ATP8A2: variants seen among roughly 807,000 people sequenced by gnomAD.
ATP8A2 encodes the protein ATPase phospholipid transporting 8A2.
In ATP8A2, 100 loss-of-function variants were observed where a neutral mutation model predicts 165.6. The observed-to-expected ratio is 0.60, with a 90% CI of 0.51 to 0.71. ATP8A2 has a LOEUF of 0.71. ATP8A2 is among the 30% of genes least tolerant of loss of function. The pLI is 0.00. For synonymous variants in ATP8A2, 543 were observed against 548.8 expected, an observed-to-expected ratio of 0.99 and a Z score of 0.15; for missense variants, 1,227 against 1,479.5, an observed-to-expected ratio of 0.83 and a Z score of 2.80.
chr13:25,930,009 C>T (rs978866540), intron 33 of ATP8A2, among the ~76,000 whole-genome samples: 1 of 152,152 alleles, frequency 6.6e-6, no homozygotes. Context: ...GGCAGCCCCA[C>T]GTGCTCCTGT....
At chr13:25,725,654 G>C (rs1463219338) in intron 25 of ATP8A2, among the ~76,000 whole-genome samples, 1 of 152,226 alleles carries the variant, frequency 6.6e-6, no homozygotes, top group Non-Finnish European at 1.5e-5. Flanking sequence ...TGATTCTTCT[G>C]TGCCTTCAAC....
At chr13:25,583,258 G>A (rs972026923) in intron 23 of ATP8A2, among the ~76,000 whole-genome samples, 2 of 151,942 alleles carry the variant, frequency 1.3e-5, no homozygotes, top group Admixed American at 6.6e-5. Flanking sequence ...ATATAAGTTT[G>A]GCCTAAAACA....
At chr13:25,529,817 T>C (rs1257193006) in intron 2 of ATP8A2, among the ~76,000 whole-genome samples, 182 bp from the exon 3 acceptor site, 1 of 152,204 alleles carries the variant, frequency 6.6e-6, no homozygotes, top group African/African-American at 2.4e-5. Context: ...GATTTTCTCA[T>C]CAGGGGCGCC....
chr13:25,597,484 A>G (rs763667399), intron 24 of ATP8A2, among the ~76,000 whole-genome samples: 7 of 152,236 alleles, frequency 4.6e-5, no homozygotes, highest in South Asian at 2.1e-4. Flanking sequence ...GAGAAGGCCT[A>G]TGGAGAGGGC....
At chr13:25,578,743 AG>A in intron 20 of ATP8A2, 71 bp from the exon 21 acceptor site, 1 of 884,594 alleles carries the variant, frequency 1.1e-6, no homozygotes, top group Admixed American at 1.8e-5. Flanking sequence ...ACAGAAACAA[AG>A]CCATGCTTAG....
intron 1 of ATP8A2, among the ~76,000 whole-genome samples, chr13:25,412,949 C>T (rs974321700): frequency 6.6e-6 from 1 of 152,092 alleles, no homozygotes; most frequent in Non-Finnish European, 1.5e-5. Context: ...TCCTGAGTAG[C>T]TGGGAATACA....
At chr13:26,012,252 GCCCACGGT>G (rs1180061672) in intron 35 of ATP8A2, among the ~76,000 whole-genome samples, 1 of 152,150 alleles carries the variant, frequency 6.6e-6, no homozygotes, top group Non-Finnish European at 1.5e-5. Context: ...GTCCTGAAAA[GCCCACGGT>G]CCCGCGGGTA....
chr13:25,797,048 A>G (rs938382666), intron 27 of ATP8A2, among the ~76,000 whole-genome samples: 10 of 152,072 alleles, frequency 6.6e-5, no homozygotes, highest in Non-Finnish European at 1.5e-4. Flanking sequence ...CGGGCAGATC[A>G]CCTGAGGTCA....
intron 36 of ATP8A2, among the ~76,000 whole-genome samples, chr13:26,015,640 G>A (rs775454801): frequency 1.3e-4 from 19 of 151,936 alleles, no homozygotes; most frequent in Non-Finnish European, 1.6e-4. Flanking sequence ...TGTTCTACCC[G>A]GAGAAGACAA....
intron 25 of ATP8A2, among the ~76,000 whole-genome samples, chr13:25,731,674 A>C (rs557781737): frequency 6.6e-6 from 1 of 152,222 alleles, no homozygotes; most frequent in Non-Finnish European, 1.5e-5. Context: ...AAATTCACAG[A>C]ATGTGGAATA....
intron 1 of ATP8A2, 65 bp from the exon 2 acceptor site, chr13:25,468,912 G>C: frequency 6.3e-7 from 1 of 1,575,182 alleles, no homozygotes; most frequent in South Asian, 1.1e-5. Context: ...GCCCGCGCTC[G>C]CAGCCTCCCG....
In ATP8A2 at chr13:25,985,965, A is replaced by C. The variant is rs542307121; in HGVS notation, c.3377+17286A>C. Among the ~76,000 whole-genome samples, 21 of 152,352 alleles carry C rather than the reference A, an allele frequency of 1.4e-4. No individual in the cohort carries two copies. In the East Asian group the frequency reaches 3.9e-3, roughly 28 times the overall value. On this transcript the variant is annotated intron_variant, in intron 35 of 36. Coordinates refer to ENST00000381655, the MANE Select transcript of ATP8A2 (RefSeq NM_016529.6). ...TTCACATGTCTCCTTCAGGCCTCTG[A>C]GAATTTCATGAAAGCCACGTGCTAT...
intron 18 of ATP8A2, among the ~76,000 whole-genome samples, chr13:25,573,952 A>G (rs1369032357): frequency 6.6e-6 from 1 of 152,176 alleles, no homozygotes; most frequent in Non-Finnish European, 1.5e-5. Context: ...TACTTCATTG[A>G]TTACTTCTCT....
intron 33 of ATP8A2, among the ~76,000 whole-genome samples, chr13:25,862,981 C>T (rs1188451154): frequency 6.6e-6 from 1 of 152,130 alleles, no homozygotes; most frequent in Admixed American, 6.5e-5. Context: ...TTGTCCAGTG[C>T]ATAAGATTGA....
intron 1 of ATP8A2, among the ~76,000 whole-genome samples, chr13:25,435,563 G>T (rs2034735126): frequency 6.6e-6 from 1 of 152,152 alleles, no homozygotes; most frequent in African/African-American, 2.4e-5. Flanking sequence ...GCGCAAGGTA[G>T]TACTTCTCAG....
intron 35 of ATP8A2, among the ~76,000 whole-genome samples, chr13:25,971,686 G>A (rs1033959885): frequency 5.3e-5 from 8 of 152,050 alleles, no homozygotes; most frequent in African/African-American, 1.2e-4. Context: ...CTCGTGTGTC[G>A]GATGTGCACA....
At chr13:25,435,639 G>C (rs531329116) in intron 1 of ATP8A2, among the ~76,000 whole-genome samples, 1 of 151,852 alleles carries the variant, frequency 6.6e-6, no homozygotes, top group East Asian at 1.9e-4. Flanking sequence ...TTTACGTGTT[G>C]TTCTTTTTCT....
chr13:25,553,325 A>G (rs1024976771), intron 11 of ATP8A2, among the ~76,000 whole-genome samples: 7 of 151,966 alleles, frequency 4.6e-5, no homozygotes, highest in Admixed American at 3.9e-4. Flanking sequence ...GCTGGGCTCA[A>G]GCCTTCTCTC....
intron 25 of ATP8A2, among the ~76,000 whole-genome samples, chr13:25,729,652 C>G (rs928445772): frequency 6.6e-6 from 1 of 152,040 alleles, no homozygotes; most frequent in Non-Finnish European, 1.5e-5. Flanking sequence ...CGGTCCTGCC[C>G]TACACCTGTT....
Sources: allele counts gnomAD v4.1 joint callset (sites outside exome capture counted in the v4.1 genomes callset), GRCh38; gene constraint gnomAD v4.1.1; transcripts MANE v1.5; gene names NCBI Gene and HGNC (gene_info 2026-07-23, HGNC 2026-07-21).